FREM2: variants seen among roughly 807,000 people sequenced by gnomAD.
The protein encoded by FREM2 is FRAS1 related extracellular matrix 2.
Under a neutral mutation model 219.9 loss-of-function variants are expected in FREM2, and 119 were observed. The ratio of observed to expected loss-of-function variants is 0.54; its 90% CI spans 0.47 to 0.63. The LOEUF (loss-of-function observed/expected upper bound fraction) is 0.63. Among genes scored for constraint, FREM2 ranks in the 30% least tolerant of loss-of-function variants. The probability of loss-of-function intolerance (pLI) is 0.00; values close to 1 mark genes in which losing one functional copy is unlikely to be tolerated. For synonymous variants in FREM2, 1,562 were observed against 1,522.8 expected, an observed-to-expected ratio of 1.03 and a Z score of -0.60; for missense variants, 4,030 against 3,993.6, an observed-to-expected ratio of 1.01 and a Z score of -0.25.
rs532372476 is a variant in FREM2 at position 38,774,174 on chromosome 13, A to G, written c.5641+4366A>G. On this transcript the variant is annotated intron_variant, in intron 4 of 23. Transcript: ENST00000280481. ...CTTATCTTGTATATGAAAACAACAC[A>G]GTAATTTCTTCCCGTCTTATGCTCT... 9.2e-5 allele frequency among the ~76,000 whole-genome samples: 14 copies of G among 152,246 alleles called. No homozygotes were observed. The East Asian group carries it at 2.1e-3, about 23-fold the overall frequency.
chr13:38,772,757 C>T (rs1566136789), intron 4 of FREM2, among the ~76,000 whole-genome samples: 2 of 151,300 alleles, frequency 1.3e-5, no homozygotes, highest in Non-Finnish European at 2.9e-5. Flanking sequence ...AGTGCAGTGG[C>T]GCCATCTTGG....
intron 6 of FREM2, among the ~76,000 whole-genome samples, chr13:38,828,760 T>C (rs966197868): frequency 2.6e-5 from 4 of 152,106 alleles, no homozygotes; most frequent in Admixed American, 2.6e-4. Context: ...GAGACTATAT[T>C]ATGAAAAACT....
Position 38,688,693 on chromosome 13 carries a change from A to G in FREM2, c.1349A>G (p.Tyr450Cys), listed in dbSNP as rs757304008. 1.6e-5 allele frequency: 26 copies of G among 1,613,938 alleles called. No individual in the cohort carries two copies. In the Admixed American group the frequency reaches 2.3e-4, roughly 14 times the overall value. ...ACCCGGAATACCGGTCTTATTCTCT[A>G]TGAGGGTCAGTCTCGGCCCCTCACA... is the stretch of plus-strand genomic sequence containing the variant. ...VVTRNTGLILYEGQSRPLTGP... is the reference protein window; with the variant it reads ...VVTRNTGLILCEGQSRPLTGP... The change falls in exon 1 of 24, where the codon TAT becomes TGT. Residue 450 changes from tyrosine to cysteine, a missense_variant. Transcript: ENST00000280481.
chr13:38,854,718 T>C (rs1877491536), intron 11 of FREM2, among the ~76,000 whole-genome samples: 1 of 152,138 alleles, frequency 6.6e-6, no homozygotes, highest in South Asian at 2.1e-4. Context: ...GAATAGTTGC[T>C]GTATCTAGAG....
In FREM2 at chr13:38,689,599, A is replaced by C; in HGVS notation, c.2255A>C (p.Asn752Thr). The change falls in exon 1 of 24, where the codon AAT (asparagine) becomes ACT (threonine). Residue 752 changes from asparagine to threonine, a missense_variant. Physicochemically the swap from Asn to Thr is moderately conservative, Grantham distance 65. This residue lies in a region of FREM2 where 3,102 missense variants were observed against 2,950.7 expected (regional missense o/e 1.05). Transcript: ENST00000280481. ...VTQPPTDTDE[N>T]HLPAPLGTLV... ...CAGCCCCCCACAGACACAGACGAAA[A>C]TCACCTGCCAGCCCCACTGGGTACC... 1 of 1,613,204 alleles carries C rather than the reference A, an allele frequency of 6.2e-7. No individual in the cohort carries two copies. The highest frequency in any genetic ancestry group is 8.5e-7 in the Non-Finnish European group (1 of 1,179,546).
intron 6 of FREM2, among the ~76,000 whole-genome samples, chr13:38,829,996 AT>A (rs1402887682): frequency 6.6e-6 from 1 of 152,130 alleles, no homozygotes; most frequent in African/African-American, 2.4e-5. Flanking sequence ...AATTACATAT[AT>A]TATCTCTGCA....
In FREM2 at chr13:38,688,587, G is replaced by C; in HGVS notation, c.1243G>C (p.Val415Leu). 6.2e-7 allele frequency: 1 copy of C among 1,613,890 alleles called. No homozygotes were observed. Among genetic ancestry groups the C allele is most frequent in the Non-Finnish European group, 8.5e-7 (1 of 1,179,804 alleles). The change falls in exon 1 of 24, where the codon GTG (valine) becomes CTG (leucine). Residue 415 changes from valine (V) to leucine (L), a missense_variant. This residue lies in a region of FREM2 where 3,102 missense variants were observed against 2,950.7 expected (regional missense o/e 1.05). Transcript: ENST00000280481. Reference sequence around the variant, plus strand: ...CCTCTTTGAACTGGAATTGGAGGTAGTGGATCTAGAAGGAGCAGCTTCAGA... The same window carrying C: ...CCTCTTTGAACTGGAATTGGAGGTACTGGATCTAGAAGGAGCAGCTTCAGA... The part of the protein sequence containing the change: ...ERLFELELEV[V>L]DLEGAASDPF...
intron 20 of FREM2, among the ~76,000 whole-genome samples, chr13:38,876,667 G>A (rs1878354046): frequency 6.6e-6 from 1 of 152,122 alleles, no homozygotes; most frequent in Admixed American, 6.5e-5. Flanking sequence ...CTGTCTTGGA[G>A]ATTTGAGAAT....
Position 38,769,759 on chromosome 13 carries a change from C to G in FREM2, c.5592C>G (p.Ala1864=). 6.2e-7 allele frequency: 1 copy of G among 1,614,116 alleles called. No homozygotes were observed. The highest frequency in any genetic ancestry group is 8.5e-7 in the Non-Finnish European group (1 of 1,180,006). ...QVVLSEPVLA[A]LEFPTVATVE... ...TACTCTCAGAGCCCGTGCTGGCTGC[C>G]TTGGAATTCCCCACAGTCGCCACTG... Residue 1864 remains alanine (A), a synonymous_variant, in exon 4 of 24, where the codon GCC becomes GCG. Transcript: ENST00000280481.
rs144649515 is a variant in FREM2, at chr13:38,844,483, A to T, written c.6020-2090A>T. ...ACACATTAAGCTATAAAGTAAAACT[A>T]CGTGTTTTGGAGTTGACAGAATGAG... On this transcript the variant is annotated intron_variant, in intron 6 of 23. Coordinates refer to ENST00000280481, the MANE Select transcript of FREM2 (RefSeq NM_207361.6). Among the ~76,000 whole-genome samples, 513 of 152,318 alleles carry T rather than the reference A, an allele frequency of 3.4e-3. 1 individual carries two copies. Among genetic ancestry groups the T allele is most frequent in the African/African-American group, 0.012 (495 of 41,572 alleles).
rs1328704482 is a variant in FREM2, at chr13:38,751,877, TGTGTGTGTGTGTGTGTGTG to T, written c.5264-12426_5264-12408del. Among the ~76,000 whole-genome samples the T allele has an allele frequency of 2.5e-4, 37 of 150,226 alleles. No individual in the cohort carries two copies. In the East Asian group the frequency reaches 7.3e-3, roughly 30 times the overall value. ...TTTGTACTTACTCTGTGTGTGTGTG[TGTGTGTGTGTGTGTGTGTG>T]TTTTCCTTTTGGCAGCCAAATATAC... On this transcript the variant is annotated intron_variant, in intron 2 of 23. Transcript: ENST00000280481.
In FREM2 at chr13:38,849,441, C is replaced by A. The variant is rs577707843; in HGVS notation, c.6380-597C>A. The stretch of plus-strand genomic sequence containing the variant: ...CTTCCCCTAGACACTCATCAAATTT[C>A]TTTAATAATGTGCCAAAAATGCTGT... On this transcript the variant is annotated intron_variant, in intron 8 of 23. Coordinates refer to ENST00000280481, the MANE Select transcript of FREM2 (RefSeq NM_207361.6). 4.1e-4 allele frequency among the ~76,000 whole-genome samples: 62 copies of A among 152,250 alleles called. 2 individuals carry two copies. The highest frequency in any genetic ancestry group is 3.5e-3 in the Admixed American group (54 of 15,274).
At chr13:38,843,633 A>G (rs1231419034) in intron 6 of FREM2, among the ~76,000 whole-genome samples, 4 of 151,958 alleles carry the variant, frequency 2.6e-5, no homozygotes, top group South Asian at 2.1e-4. Flanking sequence ...ACATCTTGCT[A>G]TTTTCCTTAA....
chr13:38,709,962 G>A (rs951725207), intron 2 of FREM2, among the ~76,000 whole-genome samples: 12 of 149,172 alleles, frequency 8.0e-5, no homozygotes, highest in African/African-American at 2.7e-4. Flanking sequence ...TGGCCAAACG[G>A]TGAAAAATTA....
At chr13:38,825,075 C>T (rs1196512361) in intron 6 of FREM2, among the ~76,000 whole-genome samples, 1 of 152,008 alleles carries the variant, frequency 6.6e-6, no homozygotes, top group Non-Finnish European at 1.5e-5. Flanking sequence ...TACTGTCTAC[C>T]TCATAGGGTT....
chr13:38,818,930 C>T (rs1356619515), intron 6 of FREM2, among the ~76,000 whole-genome samples: 4 of 152,108 alleles, frequency 2.6e-5, no homozygotes, highest in Admixed American at 6.6e-5. Flanking sequence ...TGAGTGTTCT[C>T]ATCACAAAGA....
chr13:38,868,355 T>C (rs543581149), intron 16 of FREM2, among the ~76,000 whole-genome samples: 4 of 152,208 alleles, frequency 2.6e-5, no homozygotes, highest in East Asian at 1.9e-4. Flanking sequence ...TTCCTCTAAA[T>C]ACTTTGTATA....
chr13:38,776,994 T>A (rs1162457738), intron 4 of FREM2, among the ~76,000 whole-genome samples: 2 of 151,900 alleles, frequency 1.3e-5, no homozygotes, highest in African/African-American at 4.8e-5. Flanking sequence ...ATCCAATGTG[T>A]TAATGGGATT....
intron 6 of FREM2, among the ~76,000 whole-genome samples, chr13:38,822,801 G>A (rs1417580814): frequency 1.3e-5 from 2 of 152,044 alleles, no homozygotes; most frequent in Non-Finnish European, 2.9e-5. Context: ...AAGATGTTAG[G>A]TTAGCTCCCT....
Sources: allele counts gnomAD v4.1 joint callset (sites outside exome capture counted in the v4.1 genomes callset), GRCh38; gene constraint gnomAD v4.1.1; regional missense constraint gnomAD v4.1.1; transcripts MANE v1.5; gene names NCBI Gene and HGNC (gene_info 2026-07-23, HGNC 2026-07-21).